The following DNAJC27 variants were observed in gnomAD, a reference collection of about 807,000 sequenced individuals.
DNAJC27 encodes DnaJ heat shock protein family (Hsp40) member C27.
DNAJC27 carries 25 observed loss-of-function variants against 31.4 expected under a neutral mutation model. The observed-to-expected ratio is 0.80, with a 90% CI of 0.58 to 1.11. The LOEUF is 1.11. DNAJC27 is among the 50% of genes most tolerant of loss of function. DNAJC27 has a pLI of 0.00. For synonymous variants in DNAJC27, 106 were observed against 112.7 expected (o/e 0.94, Z 0.37); for missense variants, 356 against 347.3 (o/e 1.02, Z -0.20).
intron 1 of DNAJC27, among the ~76,000 whole-genome samples, chr2:24,969,666 A>C (rs1285965804): frequency 6.6e-6 from 1 of 152,072 alleles, no homozygotes; most frequent in African/African-American, 2.4e-5. Context: ...TTTAGTAGAG[A>C]TGGGGTTTCA....
At chr2:24,972,002 C>T (rs774618261), upstream of DNAJC27, 9 of 874,426 alleles carry the variant, frequency 1.0e-5, no homozygotes, top group Non-Finnish European at 1.5e-5. Flanking sequence ...CCGCTGCTCT[C>T]GTCACCGCCT....
chr2:24,970,956 G>A (rs1481973937), intron 1 of DNAJC27, among the ~76,000 whole-genome samples: 1 of 152,226 alleles, frequency 6.6e-6, no homozygotes. Context: ...CTCTTTCGGA[G>A]TTGATTTTGA....
Position 24,967,241 on chromosome 2 carries a change from G to A in DNAJC27, c.140C>T (p.Ala47Val). 1.9e-6 allele frequency: 3 copies of A among 1,613,780 alleles called. No homozygotes were observed. The highest frequency in any genetic ancestry group is 2.5e-6 in the Non-Finnish European group (3 of 1,179,766). ...CEKRFVSKYLATIGIDYGVTK... is the reference protein window; with the variant it reads ...CEKRFVSKYLVTIGIDYGVTK... ...GACTCCATAGTCAATTCCAATTGTT[G>A]CCAGGTATTTAGACACGAATCTTTT... Residue 47 changes from alanine to valine, a missense_variant, in exon 2 of 7, where the codon GCA becomes GTA. By Grantham distance (64) the Ala-to-Val change is moderately conservative. Coordinates refer to ENST00000264711, the MANE Select transcript of DNAJC27 (RefSeq NM_016544.3).
At chr2:24,949,928 C>G (rs1374417990) in intron 6 of DNAJC27, among the ~76,000 whole-genome samples, 4 of 149,356 alleles carry the variant, frequency 2.7e-5, no homozygotes, top group Non-Finnish European at 1.5e-5. Flanking sequence ...TTACTGAAAC[C>G]CTACTGGCTT....
Position 24,971,822 on chromosome 2 carries a change from C to T in DNAJC27, c.83G>A (p.Gly28Glu). 1.9e-6 allele frequency: 3 copies of T among 1,608,724 alleles called. No individual in the cohort carries two copies. Among genetic ancestry groups the T allele is most frequent in the Non-Finnish European group, 2.5e-6 (3 of 1,178,170 alleles). The change falls in exon 1 of 7, where the codon GGG (glycine) becomes GAG (glutamate). Residue 28 changes from glycine to glutamate, a missense_variant. Transcript: ENST00000264711. Reference sequence around the variant, plus strand: ...CTCCCGGCTCGCTGTACTCACTTTCCCCACTTCGGCGTTGCCCATGGAGAT... The same window carrying T: ...CTCCCGGCTCGCTGTACTCACTTTCTCCACTTCGGCGTTGCCCATGGAGAT... Reference protein sequence around the residue: ...KVISMGNAEVGKSCIIKRYCE... With the variant: ...KVISMGNAEVEKSCIIKRYCE...
chr2:24,958,699 A>G (rs976223374), intron 3 of DNAJC27: 4 of 191,840 alleles, frequency 2.1e-5, no homozygotes, highest in Non-Finnish European at 3.5e-5. Context: ...CTGAAAAACA[A>G]TGTCTATTTA....
chr2:24,951,341 A>G (rs1665769350), intron 6 of DNAJC27, 53 bp downstream of exon 6: 2 of 1,532,454 alleles, frequency 1.3e-6, no homozygotes, highest in Non-Finnish European at 1.8e-6. Context: ...AATTTTGGTG[A>G]TGGAGTCTTT....
rs1665586316 is a variant in DNAJC27 at position 24,944,020 on chromosome 2, GTAAAA to G, written c.*3591_*3595del. On this transcript the variant is annotated 3_prime_UTR_variant, in exon 7 of 7. Transcript: ENST00000264711. Reference sequence around the variant, plus strand: ...AATGGAAAAAAACGATGTACAAACAGTAAAACTGTATCTTACAATTGTGCTAAATA... The same window carrying G: ...AATGGAAAAAAACGATGTACAAACAGCTGTATCTTACAATTGTGCTAAATA... 6.6e-6 allele frequency: 1 copy of G among 152,246 alleles called. No homozygotes were observed. Among genetic ancestry groups the G allele is most frequent in the Non-Finnish European group, 1.5e-5 (1 of 68,044 alleles). The allele number at this position is 152,246 out of a possible 1,614,324, so 9.4% of individuals were successfully genotyped here.
At chr2:24,963,556 G>A in intron 2 of DNAJC27, 82 bp from the exon 3 acceptor site, 1 of 1,183,852 alleles carries the variant, frequency 8.4e-7, no homozygotes, top group South Asian at 1.4e-5. Flanking sequence ...ATTTCAAAAG[G>A]ATATGTGTAT....
chr2:24,961,116 G>A (rs1003132608), intron 3 of DNAJC27, among the ~76,000 whole-genome samples: 3 of 152,150 alleles, frequency 2.0e-5, no homozygotes, highest in African/African-American at 7.2e-5. Flanking sequence ...GAGCTGTTAC[G>A]GGCTATATGA....
chr2:24,962,415 C>T (rs1666072551), intron 3 of DNAJC27, among the ~76,000 whole-genome samples: 1 of 152,076 alleles, frequency 6.6e-6, no homozygotes, highest in South Asian at 2.1e-4. Context: ...GCCACCACAC[C>T]CGGCTGATTT....
intron 6 of DNAJC27, 41 bp from the exon 7 acceptor site, chr2:24,947,789 G>A (rs565382768): frequency 4.4e-6 from 7 of 1,589,154 alleles, no homozygotes; most frequent in African/African-American, 2.7e-5. Flanking sequence ...AACAGAGTCA[G>A]CCCAACCCAC....
At position 24,957,079 on chromosome 2, in the gene DNAJC27, T is replaced by C. The variant is rs1258258551; in HGVS notation, c.492A>G (p.Ser164=). The C allele has an allele frequency of 6.2e-7, 1 of 1,610,534 alleles. No homozygotes were observed. Among genetic ancestry groups the C allele is most frequent in the East Asian group, 2.2e-5 (1 of 44,750 alleles). The part of the protein sequence containing the change: ...ESKGFLYFET[S]AQTGEGINEM... ...CATTAATGCCTTCTCCAGTTTGTGCTGAAGTTTCAAAGTACAGGAACCCTT... is the reference window on the plus strand; with the variant it reads ...CATTAATGCCTTCTCCAGTTTGTGCCGAAGTTTCAAAGTACAGGAACCCTT... The change falls in exon 5 of 7, where the codon TCA becomes TCG. Residue 164 remains serine (S), a synonymous_variant. Coordinates refer to ENST00000264711, the MANE Select transcript of DNAJC27 (RefSeq NM_016544.3).
chr2:24,954,092 C>A (rs1171518436), intron 5 of DNAJC27, among the ~76,000 whole-genome samples: 2 of 152,120 alleles, frequency 1.3e-5, no homozygotes, highest in African/African-American at 2.4e-5. Flanking sequence ...GAGGAGGTGG[C>A]TAGACTCTGC....
At chr2:24,951,954 A>C (rs929453074) in intron 5 of DNAJC27, among the ~76,000 whole-genome samples, 2 of 152,072 alleles carry the variant, frequency 1.3e-5, no homozygotes, top group African/African-American at 4.8e-5. Context: ...ACACACACAA[A>C]AAATACAAAA....
At chr2:24,969,862 T>A (rs1022349168) in intron 1 of DNAJC27, among the ~76,000 whole-genome samples, 1 of 152,246 alleles carries the variant, frequency 6.6e-6, no homozygotes, top group African/African-American at 2.4e-5. Context: ...TGTTTTCACA[T>A]TAATTTTTCA....
rs1375962686 is a variant in DNAJC27, at chr2:24,944,283, C to G, written c.*3333G>C. ...ACAAGCACATGGCTTACAGCTCCAC[C>G]TTTCTAACTTTTGGCAAAATCCCTC... On this transcript the variant is annotated 3_prime_UTR_variant, in exon 7 of 7. Coordinates refer to ENST00000264711, the MANE Select transcript of DNAJC27 (RefSeq NM_016544.3). 2 of 152,030 alleles carry G rather than the reference C, an allele frequency of 1.3e-5. No individual in the cohort carries two copies. Among genetic ancestry groups the G allele is most frequent in the African/African-American group, 2.4e-5 (1 of 41,356 alleles). 9.4% of individuals were successfully genotyped at this position (152,030 alleles called of 1,614,324 possible).
chr2:24,964,758 C>T (rs1666137498), intron 2 of DNAJC27, among the ~76,000 whole-genome samples: 1 of 152,140 alleles, frequency 6.6e-6, no homozygotes, highest in African/African-American at 2.4e-5. Flanking sequence ...ATACCATGGT[C>T]CTTTGGCATA....
At chr2:24,948,874 A>G (rs1324651819) in intron 6 of DNAJC27, among the ~76,000 whole-genome samples, 1 of 152,162 alleles carries the variant, frequency 6.6e-6, no homozygotes, top group African/African-American at 2.4e-5. Context: ...GTGATCCTAT[A>G]AGCTATATGG....
Sources: gnomAD v4.1 joint callset for allele counts (sites outside exome capture counted in the v4.1 genomes callset) on GRCh38, gnomAD v4.1.1 for gene constraint, MANE v1.5 for transcripts, NCBI Gene and HGNC (gene_info 2026-07-23, HGNC 2026-07-21) for gene names.